The following KANSL1L variants were observed in gnomAD, a reference collection of about 807,000 sequenced individuals.
KANSL1L encodes KAT8 regulatory NSL complex subunit 1-like protein.
In KANSL1L, 25 loss-of-function variants were observed where a neutral mutation model predicts 108.6. That is an observed-to-expected ratio of 0.23 (90% CI 0.17 to 0.32). The LOEUF (loss-of-function observed/expected upper bound fraction) is 0.32, where lower values mean the gene tolerates loss of function less well. KANSL1L is among the 10% of genes least tolerant of loss of function. The pLI, the probability that KANSL1L is intolerant of heterozygous loss-of-function variation, is 1.00. For missense variants in KANSL1L, 1,137 were observed against 1,125.7 expected, an observed-to-expected ratio of 1.01 and a Z score of -0.14; for synonymous variants, 405 against 395.1, an observed-to-expected ratio of 1.03 and a Z score of -0.30.
chr2:210,154,384 G>T lies in KANSL1L; in HGVS notation c.199C>A (p.His67Asn). 6.2e-7 allele frequency: 1 copy of T among 1,610,322 alleles called. No homozygotes were observed. Among genetic ancestry groups the T allele is most frequent in the South Asian group, 1.1e-5 (1 of 90,252 alleles). Residue 67 changes from histidine to asparagine, a missense_variant, in exon 2 of 15, where the codon CAT becomes AAT. His to Asn is a moderately conservative substitution (Grantham distance 68). Transcript: ENST00000281772. Reference sequence around the variant, plus strand: ...TTTGAAGACTGAGGGGAGCCAAAATGTTTTAAATTCACAAAATTAGTATTA... The same window carrying T: ...TTTGAAGACTGAGGGGAGCCAAAATTTTTTAAATTCACAAAATTAGTATTA... ...TLNTNFVNLK[H>N]FGSPQSSKHY...
At position 210,023,196 on chromosome 2, in the gene KANSL1L, T is replaced by C. The variant is rs2093884536; in HGVS notation, c.2734-17A>G. ...CCACAAAGACTGAAAGGGGAAAAAT[T>C]TTCAGTTAAGTTTCAACTAACTTGT... is the stretch of plus-strand genomic sequence containing the variant. On this transcript the variant is annotated splice_polypyrimidine_tract_variant and intron_variant, in intron 14 of 14. Coordinates refer to ENST00000281772, the MANE Select transcript of KANSL1L (RefSeq NM_152519.4). 4 of 1,596,540 alleles carry C rather than the reference T, an allele frequency of 2.5e-6. No homozygotes were observed. The highest frequency in any genetic ancestry group is 3.4e-6 in the Non-Finnish European group (4 of 1,164,520).
chr2:210,069,344 C>A (rs947597390), intron 6 of KANSL1L, among the ~76,000 whole-genome samples: 1 of 152,154 alleles, frequency 6.6e-6, no homozygotes, highest in Non-Finnish European at 1.5e-5. Flanking sequence ...AAGATAACAG[C>A]AGCTTTGTCT....
chr2:210,149,287 A>T (rs530900822), intron 2 of KANSL1L, among the ~76,000 whole-genome samples: 3 of 152,298 alleles, frequency 2.0e-5, no homozygotes, highest in African/African-American at 7.2e-5. Context: ...ATCATTAAAC[A>T]GAAGACAATA....
At chr2:210,082,395 G>C (rs184594926) in intron 5 of KANSL1L, among the ~76,000 whole-genome samples, 22 of 152,216 alleles carry the variant, frequency 1.4e-4, no homozygotes, top group African/African-American at 4.8e-4. Flanking sequence ...GTCAAGCACA[G>C]GAAAAGAAAA....
At chr2:210,150,545 G>A (rs1402256250) in intron 2 of KANSL1L, among the ~76,000 whole-genome samples, 2 of 152,146 alleles carry the variant, frequency 1.3e-5, no homozygotes, top group Non-Finnish European at 2.9e-5. Context: ...CACTTTGGGA[G>A]GCCAAGGTCA....
chr2:210,045,010 T>G (rs939433734), intron 6 of KANSL1L, among the ~76,000 whole-genome samples: 9 of 152,088 alleles, frequency 5.9e-5, no homozygotes, highest in Non-Finnish European at 1.3e-4. Context: ...CTCAAGTGAT[T>G]CAGCCTGCCT....
At chr2:210,135,324 C>T (rs1047264418) in intron 2 of KANSL1L, among the ~76,000 whole-genome samples, 1 of 152,120 alleles carries the variant, frequency 6.6e-6, no homozygotes, top group Non-Finnish European at 1.5e-5. Flanking sequence ...GAAAGAGGTA[C>T]ATGGACATTT....
intron 6 of KANSL1L, among the ~76,000 whole-genome samples, chr2:210,067,535 A>G (rs1163052226): frequency 6.6e-6 from 1 of 151,818 alleles, no homozygotes; most frequent in Admixed American, 6.6e-5. Flanking sequence ...CCATCTCTGC[A>G]AAAAATATAA....
chr2:210,160,170 GGA>G (rs560553160), intron 1 of KANSL1L, among the ~76,000 whole-genome samples: 65 of 152,304 alleles, frequency 4.3e-4, no homozygotes, highest in African/African-American at 1.5e-3. Flanking sequence ...AAATTAGGAA[GGA>G]GAGGGAATGT....
chr2:210,040,454 T>TTTA lies in KANSL1L; in HGVS notation c.1992_1994dup (p.Asn664dup), dbSNP rs1406730699. Reference sequence around the variant, plus strand: ...GAGATATGATATATTCATCTACAAATTTATTTTCAGCAAGATTGCCTTTTA... The same window carrying TTTA: ...GAGATATGATATATTCATCTACAAATTTATTATTTTCAGCAAGATTGCCTTTTA... On this transcript the variant is annotated inframe_insertion, in exon 8 of 15. Transcript: ENST00000281772. The TTTA allele has an allele frequency of 6.4e-7, 1 of 1,555,492 alleles. No individual in the cohort carries two copies. The highest frequency in any genetic ancestry group is 1.1e-5 in the South Asian group (1 of 88,724).
rs57999970 is a variant in KANSL1L at position 210,065,579 on chromosome 2, A to AT, written c.1755+9972dup. 6.2e-4 allele frequency among the ~76,000 whole-genome samples: 40 copies of AT among 64,858 alleles called. 1 individual carries two copies. Among genetic ancestry groups the AT allele is most frequent in the African/African-American group, 1.5e-3 (28 of 18,670 alleles). 42.5% of individuals were successfully genotyped at this position (64,858 alleles called of 152,430 possible). ...CTCTCAATTGAGGTGCCTGGACATGATTTTTTTTTTTTTTTTTTTTTTTTG... is the reference window on the plus strand; with the variant it reads ...CTCTCAATTGAGGTGCCTGGACATGATTTTTTTTTTTTTTTTTTTTTTTTTG... On this transcript the variant is annotated intron_variant, in intron 6 of 14. Transcript: ENST00000281772.
At chr2:210,134,619 T>C (rs995799729) in intron 2 of KANSL1L, among the ~76,000 whole-genome samples, 4 of 152,050 alleles carry the variant, frequency 2.6e-5, no homozygotes, top group African/African-American at 9.7e-5. Flanking sequence ...ATGTGTAGAG[T>C]AGCCACTACA....
In KANSL1L at chr2:210,154,521, G is replaced by T. The variant is rs1205024977; in HGVS notation, c.62C>A (p.Thr21Asn). 3 of 1,588,152 alleles carry T rather than the reference G, an allele frequency of 1.9e-6. No individual in the cohort carries two copies. The highest frequency in any genetic ancestry group is 2.6e-6 in the Non-Finnish European group (3 of 1,166,634). Residue 21 changes from threonine to asparagine, a missense_variant, in exon 2 of 15, where the codon ACC becomes AAC. By Grantham distance (65) the Thr-to-Asn change is moderately conservative (BLOSUM62 0). Coordinates refer to ENST00000281772, the MANE Select transcript of KANSL1L (RefSeq NM_152519.4). Reference sequence around the variant, plus strand: ...GTAGAGCATCTTGTCAGACTCCATGGTACTTGGCAAAGATGAAAAGCTGAT... The same window carrying T: ...GTAGAGCATCTTGTCAGACTCCATGTTACTTGGCAAAGATGAAAAGCTGAT... ...KGISFSSLPS[T>N]MESDKMLYME...
At position 210,154,382 on chromosome 2, in the gene KANSL1L, A is replaced by G; in HGVS notation, c.201T>C (p.His67=). 1 of 1,610,410 alleles carries G rather than the reference A, an allele frequency of 6.2e-7. No individual in the cohort carries two copies. Among genetic ancestry groups the G allele is most frequent in the Non-Finnish European group, 8.5e-7 (1 of 1,178,498 alleles). ...GTTTTGAAGACTGAGGGGAGCCAAA[A>G]TGTTTTAAATTCACAAAATTAGTAT... ...TLNTNFVNLK[H]FGSPQSSKHY... is the part of the protein sequence containing the mutation. The change falls in exon 2 of 15, where the codon CAT becomes CAC. Residue 67 remains histidine, a synonymous_variant. Coordinates refer to ENST00000281772, the MANE Select transcript of KANSL1L (RefSeq NM_152519.4).
chr2:210,037,882 TTA>T (rs966811031), intron 8 of KANSL1L, among the ~76,000 whole-genome samples: 1 of 152,164 alleles, frequency 6.6e-6, no homozygotes, highest in Admixed American at 6.5e-5. Context: ...GTTTCAAAAA[TTA>T]TATGTGTGTC....
rs1374306157 is a variant in KANSL1L at position 210,022,330 on chromosome 2, T to TTCTG, written c.*615_*618dup. ...AACAACAACAACAACAACAAAAAAC[T>TTCTG]TCTGTCTCTATATTCAGGACGTTCA... On this transcript the variant is annotated 3_prime_UTR_variant, in exon 15 of 15. Transcript: ENST00000281772. 1 of 152,492 alleles carries TTCTG rather than the reference T, an allele frequency of 6.6e-6. No homozygotes were observed. Among genetic ancestry groups the TTCTG allele is most frequent in the Non-Finnish European group, 1.5e-5 (1 of 68,014 alleles). 9.4% of individuals were successfully genotyped at this position (152,492 alleles called of 1,614,324 possible).
intron 9 of KANSL1L, among the ~76,000 whole-genome samples, chr2:210,030,511 T>C (rs889016356): frequency 1.1e-4 from 17 of 149,678 alleles, no homozygotes; most frequent in African/African-American, 4.1e-4. Flanking sequence ...TTTTTTTTTT[T>C]TTTCCTGTTT....
chr2:210,029,150 T>C (rs923460121), intron 10 of KANSL1L, 181 bp from the exon 11 acceptor site: 5 of 533,966 alleles, frequency 9.4e-6, no homozygotes, highest in Non-Finnish European at 1.6e-5. Flanking sequence ...CTATCTTTTG[T>C]AAATCAGAAC....
At chr2:210,091,433 T>C (rs577321089) in intron 5 of KANSL1L, among the ~76,000 whole-genome samples, 72 of 152,296 alleles carry the variant, frequency 4.7e-4, no homozygotes, top group African/African-American at 1.7e-3. Flanking sequence ...ACTTAAAGCA[T>C]TTATCTCATG....
Sources: allele counts gnomAD v4.1 joint callset (sites outside exome capture counted in the v4.1 genomes callset), GRCh38; gene constraint gnomAD v4.1.1; transcripts MANE v1.5; gene names NCBI Gene and HGNC (gene_info 2026-07-23, HGNC 2026-07-21).